The following ZCCHC7 variants were observed in gnomAD, a reference collection of about 807,000 sequenced individuals.
The protein encoded by ZCCHC7 is zinc finger CCHC-type containing 7, also known as zinc finger CCHC domain-containing protein 7.
In ZCCHC7, 35 loss-of-function variants were observed where a neutral mutation model predicts 52.0. The observed-to-expected ratio is 0.67, with a 90% CI of 0.51 to 0.89. The LOEUF (loss-of-function observed/expected upper bound fraction) is 0.89. ZCCHC7 is among the 40% of genes least tolerant of loss of function. ZCCHC7 has a pLI of 0.00. For missense variants in ZCCHC7, 574 were observed against 649.1 expected (o/e 0.88, Z 1.26); for synonymous variants, 217 against 221.5 (o/e 0.98, Z 0.18).
At chr9:37,176,822 G>A (rs778407981) in intron 2 of ZCCHC7, among the ~76,000 whole-genome samples, 9 of 152,052 alleles carry the variant, frequency 5.9e-5, no homozygotes, top group Non-Finnish European at 1.2e-4. Flanking sequence ...AAGATATATC[G>A]GAAATGGAAA....
chr9:37,296,153 T>C (rs1026085853), intron 2 of ZCCHC7, among the ~76,000 whole-genome samples: 4 of 152,160 alleles, frequency 2.6e-5, no homozygotes, highest in Admixed American at 2.6e-4. Flanking sequence ...AAGTTTGCAA[T>C]CATGAAAATT....
chr9:37,297,214 G>A (rs1227341812), intron 2 of ZCCHC7, among the ~76,000 whole-genome samples: 1 of 151,946 alleles, frequency 6.6e-6, no homozygotes, highest in Non-Finnish European at 1.5e-5. Flanking sequence ...GCCTTCTATT[G>A]TTAAAAATTC....
chr9:37,277,471 C>G (rs1278211678), intron 2 of ZCCHC7, among the ~76,000 whole-genome samples: 1 of 151,908 alleles, frequency 6.6e-6, no homozygotes, highest in East Asian at 1.9e-4. Context: ...GTGAGACCCC[C>G]CCATCTCTGA....
At chr9:37,253,247 T>C (rs899347835) in intron 2 of ZCCHC7, among the ~76,000 whole-genome samples, 2 of 152,036 alleles carry the variant, frequency 1.3e-5, no homozygotes, top group East Asian at 3.8e-4. Flanking sequence ...TCTTTTATCA[T>C]CATAGTTTTT....
chr9:37,214,488 T>C (rs1824401369), intron 2 of ZCCHC7, among the ~76,000 whole-genome samples: 1 of 152,080 alleles, frequency 6.6e-6, no homozygotes, highest in Non-Finnish European at 1.5e-5. Context: ...ATTCAGGGTA[T>C]TTTTAATGTC....
At chr9:37,310,640 A>G (rs892309345) in intron 5 of ZCCHC7, among the ~76,000 whole-genome samples, 2 of 152,190 alleles carry the variant, frequency 1.3e-5, no homozygotes, top group Non-Finnish European at 2.9e-5. Flanking sequence ...AAGCTTACAT[A>G]TTGGCAATCA....
intron 2 of ZCCHC7, among the ~76,000 whole-genome samples, chr9:37,298,027 A>AT (rs1828863641): frequency 6.6e-6 from 1 of 152,222 alleles, no homozygotes; most frequent in Admixed American, 6.5e-5. Flanking sequence ...CTCCAACAAA[A>AT]TACAAGTCGC....
In ZCCHC7 at chr9:37,223,989, G is replaced by C. The variant is rs117262268; in HGVS notation, c.611-78199G>C. ...CTTCTTTGGGTGATAGGATTACAGA[G>C]GTTTATCAAATGCTTGTTTATACCC... is the stretch of plus-strand genomic sequence containing the variant. On this transcript the variant is annotated intron_variant, in intron 2 of 8. Transcript: ENST00000336755. Among the ~76,000 whole-genome samples, 895 of 152,044 alleles carry C rather than the reference G, an allele frequency of 5.9e-3. 7 individuals are homozygous for C. Among genetic ancestry groups the C allele is most frequent in the South Asian group, 0.019 (89 of 4,800 alleles).
chr9:37,335,841 A>G (rs1247497243), intron 6 of ZCCHC7, among the ~76,000 whole-genome samples: 9 of 152,192 alleles, frequency 5.9e-5, no homozygotes, highest in Admixed American at 4.6e-4. Flanking sequence ...GAAAATAACT[A>G]TATAAAATGT....
chr9:37,185,040 CT>C (rs796288751), intron 2 of ZCCHC7, among the ~76,000 whole-genome samples: 2 of 151,272 alleles, frequency 1.3e-5, no homozygotes, highest in East Asian at 3.9e-4. Context: ...TTGCTGAGAT[CT>C]TTTTTTTTCC....
intron 2 of ZCCHC7, among the ~76,000 whole-genome samples, chr9:37,254,562 G>A (rs1240096186): frequency 6.6e-6 from 1 of 151,878 alleles, no homozygotes; most frequent in African/African-American, 2.4e-5. Flanking sequence ...CAGAAGGTTT[G>A]GGTTTAAGCC....
At chr9:37,245,727 T>G (rs753366406) in intron 2 of ZCCHC7, among the ~76,000 whole-genome samples, 31 of 152,046 alleles carry the variant, frequency 2.0e-4, no homozygotes, top group Non-Finnish European at 4.0e-4. Flanking sequence ...TCCAGAAGTC[T>G]TATCTGATTT....
At chr9:37,298,611 G>A (rs1193733775) in intron 2 of ZCCHC7, among the ~76,000 whole-genome samples, 6 of 152,192 alleles carry the variant, frequency 3.9e-5, no homozygotes, top group Non-Finnish European at 7.4e-5. Flanking sequence ...CAAATCAGTG[G>A]TTGCCTCAGG....
In ZCCHC7 at chr9:37,120,594, G is replaced by A. The variant is rs1033405148; in HGVS notation, c.-51G>A. Reference sequence around the variant, plus strand: ...CGTCCCTCTACGCGTTTTGGTTCCCGGTTGGTGCTTCCTGTTCGCAGCTGC... The same window carrying A: ...CGTCCCTCTACGCGTTTTGGTTCCCAGTTGGTGCTTCCTGTTCGCAGCTGC... On this transcript the variant is annotated 5_prime_UTR_variant, in exon 1 of 9. Coordinates refer to ENST00000336755, the MANE Select transcript of ZCCHC7 (RefSeq NM_032226.3). The A allele has an allele frequency of 1.0e-5, 4 of 398,824 alleles. No individual in the cohort carries two copies. Among genetic ancestry groups the A allele is most frequent in the African/African-American group, 6.2e-5 (3 of 48,626 alleles). The allele number at this position is 398,824 out of a possible 1,614,324, so 24.7% of individuals were successfully genotyped here. A position where few individuals can be genotyped will look rare whatever the true frequency, so the allele number is the denominator to read the frequency against.
intron 6 of ZCCHC7, among the ~76,000 whole-genome samples, chr9:37,348,992 A>G (rs935231774): frequency 6.6e-6 from 1 of 152,136 alleles, no homozygotes; most frequent in Non-Finnish European, 1.5e-5. Context: ...AGTCCCCCTC[A>G]CCACTCCATT....
At position 37,121,358 on chromosome 9, in the gene ZCCHC7, G is replaced by A. The variant is rs144015908; in HGVS notation, c.-22+735G>A. 2.6e-5 allele frequency among the ~76,000 whole-genome samples: 4 copies of A among 152,284 alleles called. No individual in the cohort carries two copies. The East Asian group carries it at 7.7e-4, about 29-fold the overall frequency. Reference sequence around the variant, plus strand: ...TTGAATTACGGGCTGCATTAGTAGGGCCTTTTTAGCTCAGTGAATAAGTTT... The same window carrying A: ...TTGAATTACGGGCTGCATTAGTAGGACCTTTTTAGCTCAGTGAATAAGTTT... On this transcript the variant is annotated intron_variant, in intron 1 of 8. Transcript: ENST00000336755.
At chr9:37,120,572 C>T (rs955160620), upstream of ZCCHC7, 4 of 399,246 alleles carry the variant, frequency 1.0e-5, no homozygotes, top group South Asian at 1.3e-4. Flanking sequence ...CCCTCCCCGT[C>T]CCTCTACGCG....
At chr9:37,284,199 C>CT (rs1828105350) in intron 2 of ZCCHC7, 1 of 152,124 alleles carries the variant, frequency 6.6e-6, no homozygotes, top group African/African-American at 2.4e-5. Flanking sequence ...GAGAAAGCGA[C>CT]TTTGTTCTGC....
At chr9:37,153,785 A>G (rs1016108187) in intron 2 of ZCCHC7, among the ~76,000 whole-genome samples, 1 of 152,056 alleles carries the variant, frequency 6.6e-6, no homozygotes, top group Non-Finnish European at 1.5e-5. Flanking sequence ...TTCTGAAAGG[A>G]GTCCTGGTTT....
Sources: allele counts gnomAD v4.1 joint callset (sites outside exome capture counted in the v4.1 genomes callset), GRCh38; gene constraint gnomAD v4.1.1; transcripts MANE v1.5; gene names NCBI Gene and HGNC (gene_info 2026-07-23, HGNC 2026-07-21).